Variants in CSTF3 observed in about 807,000 individuals in gnomAD.
The protein encoded by CSTF3 is CF-1 77 kDa subunit.
In CSTF3, 29 loss-of-function variants were observed where a neutral mutation model predicts 105.8. The observed-to-expected ratio is 0.27, with a 90% CI of 0.20 to 0.37. CSTF3 has a LOEUF of 0.37. Among genes scored for constraint, CSTF3 ranks in the 10% least tolerant of loss-of-function variants. The pLI, the probability that CSTF3 is intolerant of heterozygous loss-of-function variation, is 1.00. For synonymous variants in CSTF3, 252 were observed against 281.9 expected, an observed-to-expected ratio of 0.89 and a Z score of 1.06; for missense variants, 357 against 879.3, an observed-to-expected ratio of 0.41 and a Z score of 7.51.
chr11:33,154,491 CTTTTTTTTTTTTT>C (rs34462847), intron 1 of CSTF3, among the ~76,000 whole-genome samples: 1 of 60,894 alleles, frequency 1.6e-5, no homozygotes, highest in East Asian at 5.7e-4. Context: ...GTAAGACTTT[CTTTTTTTTTTTTT>C]TTTTTTTTTT....
chr11:33,100,339 A>G (rs1163895242), intron 10 of CSTF3, among the ~76,000 whole-genome samples: 1 of 141,868 alleles, frequency 7.0e-6, no homozygotes, highest in Non-Finnish European at 1.5e-5. Flanking sequence ...TGGGCAACAG[A>G]GCAAGACTCC....
intron 18 of CSTF3, among the ~76,000 whole-genome samples, chr11:33,086,240 CAAAG>C (rs1466653732): frequency 6.6e-6 from 1 of 152,176 alleles, no homozygotes; most frequent in Non-Finnish European, 1.5e-5. Flanking sequence ...CAGTTTTTGT[CAAAG>C]AGTGTTTCTG....
rs1478587703 is a variant in CSTF3 at position 33,105,776 on chromosome 11, C to A, written c.459-83G>T. ...GCAATCTCACTACTGGATATCTACC[C>A]AAAGAACAACTCTATGGAAAATAGT... On this transcript the variant is annotated intron_variant, in intron 7 of 20. Coordinates refer to ENST00000323959, the MANE Select transcript of CSTF3 (RefSeq NM_001326.3). 2.0e-6 allele frequency: 3 copies of A among 1,531,582 alleles called. No homozygotes were observed. In the African/African-American group the frequency reaches 4.2e-5, roughly 21 times the overall value. 94.9% of individuals were successfully genotyped at this position (1,531,582 alleles called of 1,614,324 possible). A position where few individuals can be genotyped will look rare whatever the true frequency, so the allele number is the denominator to read the frequency against.
At chr11:33,103,219 T>G in intron 8 of CSTF3, 35 bp from the exon 9 acceptor site, 1 of 1,046,272 alleles carries the variant, frequency 9.6e-7, no homozygotes. Context: ...AAATTAAGTA[T>G]AGTTTCTTAA....
intron 3 of CSTF3, among the ~76,000 whole-genome samples, chr11:33,137,115 G>C (rs561513211): frequency 2.6e-5 from 4 of 151,910 alleles, no homozygotes; most frequent in African/African-American, 9.6e-5. Context: ...AAACGTAAGA[G>C]TCTTTGCAGG....
At chr11:33,087,173 T>C (rs775531871) in intron 17 of CSTF3, 32 bp from the exon 18 acceptor site, 4 of 1,607,576 alleles carry the variant, frequency 2.5e-6, no homozygotes, top group Non-Finnish European at 3.4e-6. Context: ...ATCCTAAACC[T>C]GAAAAAGGGA....
rs1253186058 is a variant in CSTF3 at position 33,099,586 on chromosome 11, G to A, written c.936+22C>T. ...TCAAAACCACAAAAATATCAAAGTGGGGATAGGGAAGGAACACTTACTCCC... is the reference window on the plus strand; with the variant it reads ...TCAAAACCACAAAAATATCAAAGTGAGGATAGGGAAGGAACACTTACTCCC... On this transcript the variant is annotated intron_variant, in intron 11 of 20. Coordinates refer to ENST00000323959, the MANE Select transcript of CSTF3 (RefSeq NM_001326.3). This position sits in a 1 kb window ranked among gnomAD's most constrained non-coding sequence, Gnocchi z 4.1. 6.9e-7 allele frequency: 1 copy of A among 1,448,350 alleles called. No individual in the cohort carries two copies. The highest frequency in any genetic ancestry group is 9.6e-7 in the Non-Finnish European group (1 of 1,045,176). The allele number at this position is 1,448,350 out of a possible 1,614,324, so 89.7% of individuals were successfully genotyped here.
chr11:33,122,427 G>GA, intron 3 of CSTF3, among the ~76,000 whole-genome samples: 1 of 151,744 alleles, frequency 6.6e-6, no homozygotes, highest in East Asian at 1.9e-4. Flanking sequence ...CAGTTTTCAG[G>GA]AAAAAAATAT....
chr11:33,085,114 T>C lies in CSTF3; in HGVS notation c.2127A>G (p.Arg709=). The C allele has an allele frequency of 6.2e-7, 1 of 1,614,200 alleles. No individual in the cohort carries two copies. Among genetic ancestry groups the C allele is most frequent in the South Asian group, 1.1e-5 (1 of 91,088 alleles). Residue 709 remains arginine, a synonymous_variant, in exon 21 of 21, where the codon AGA becomes AGG. Coordinates refer to ENST00000323959, the MANE Select transcript of CSTF3 (RefSeq NM_001326.3). ...ACCGAATCCGCTTCTGCTGCCGTGC[T>C]CTGTAAATGTCATGAACAGGGGGGA... The part of the protein sequence containing the change: ...AVVPPVHDIY[R]ARQQKRIR
In CSTF3 at chr11:33,133,924, T is replaced by C. The variant is rs931546517; in HGVS notation, c.225+7743A>G. On this transcript the variant is annotated intron_variant, in intron 3 of 20. Transcript: ENST00000323959. ...CCGAAGAAATTTAAGAGTATTACCATGACAAAAGTATAACATAGACTGCAG... is the reference window on the plus strand; with the variant it reads ...CCGAAGAAATTTAAGAGTATTACCACGACAAAAGTATAACATAGACTGCAG... 4.6e-5 allele frequency among the ~76,000 whole-genome samples: 7 copies of C among 152,332 alleles called. 1 individual carries two copies. Among genetic ancestry groups the C allele is most frequent in the Admixed American group, 1.3e-4 (2 of 15,302 alleles).
At chr11:33,088,702 G>A (rs1740046746) in intron 17 of CSTF3, among the ~76,000 whole-genome samples, 1 of 151,898 alleles carries the variant, frequency 6.6e-6, no homozygotes, top group Admixed American at 6.6e-5. Flanking sequence ...AGTAGGCTCA[G>A]CTTCCCTCCT....
chr11:33,109,829 A>G (rs999243553), intron 3 of CSTF3, among the ~76,000 whole-genome samples: 5 of 152,132 alleles, frequency 3.3e-5, no homozygotes, highest in Non-Finnish European at 5.9e-5. Flanking sequence ...CTAGAACTAT[A>G]TAAGTTAGAT....
intron 17 of CSTF3, among the ~76,000 whole-genome samples, chr11:33,087,681 C>T (rs978525575): frequency 6.6e-6 from 1 of 152,198 alleles, no homozygotes; most frequent in Non-Finnish European, 1.5e-5. Context: ...ATTCATCAGG[C>T]AATTTTAGCC....
chr11:33,146,744 TTTC>T (rs1379686830), intron 1 of CSTF3, among the ~76,000 whole-genome samples: 3 of 152,176 alleles, frequency 2.0e-5, no homozygotes, highest in Non-Finnish European at 4.4e-5. Context: ...TGTTTGAATT[TTTC>T]TTATTCGTCT....
chr11:33,085,258 A>C lies in CSTF3; in HGVS notation c.1983T>G (p.Gly661=). The C allele has an allele frequency of 6.4e-7, 1 of 1,566,194 alleles. No individual in the cohort carries two copies. The change falls in exon 21 of 21, where the codon GGT becomes GGG. Residue 661 remains glycine, a synonymous_variant. Transcript: ENST00000323959. ...CTTCTACAGCTAGCTCTGGGGCCCC[A>C]CCAGTAATGATCCTCACAGCTTCCT... ...TVEEAVRIIT[G]GAPELAVEGN...
intron 15 of CSTF3, 145 bp downstream of exon 15, chr11:33,096,161 T>C: frequency 1.8e-6 from 1 of 543,928 alleles, no homozygotes; most frequent in East Asian, 3.3e-5. Flanking sequence ...TCATGGTTGA[T>C]ATACCACAAG....
intron 3 of CSTF3, among the ~76,000 whole-genome samples, chr11:33,135,809 C>G (rs1193616962): frequency 6.6e-6 from 1 of 151,950 alleles, no homozygotes; most frequent in African/African-American, 2.4e-5. Context: ...AATCTTAGGA[C>G]AAAGGAAGAC....
chr11:33,137,407 C>A (rs981437889), intron 3 of CSTF3, among the ~76,000 whole-genome samples: 1 of 151,692 alleles, frequency 6.6e-6, no homozygotes, highest in African/African-American at 2.4e-5. Flanking sequence ...AATGTATAGA[C>A]CATGTTAGTA....
intron 3 of CSTF3, among the ~76,000 whole-genome samples, chr11:33,133,835 T>G (rs1229211057): frequency 2.6e-5 from 4 of 152,220 alleles, no homozygotes; most frequent in Non-Finnish European, 5.9e-5. Flanking sequence ...TGAGGGGCTG[T>G]TCCACATTGA....
Sources: gnomAD v4.1 joint callset for allele counts (sites outside exome capture counted in the v4.1 genomes callset) on GRCh38, gnomAD v4.1.1 for gene constraint, Gnocchi (gnomAD v3.1) non-coding constraint, MANE v1.5 for transcripts, NCBI Gene and HGNC (gene_info 2026-07-23, HGNC 2026-07-21) for gene names.